The following SPTA1 variants were observed in gnomAD, a reference collection of about 807,000 sequenced individuals.
SPTA1 encodes spectrin alpha, erythrocytic 1, also known as spectrin alpha chain, erythrocytic 1.
A neutral mutation model predicts 324.7 loss-of-function variants in SPTA1; 177 were observed. The observed-to-expected ratio is 0.55, with a 90% confidence interval of 0.48 to 0.62. The LOEUF (loss-of-function observed/expected upper bound fraction) is 0.62, where lower values mean the gene tolerates loss of function less well. Among genes scored for constraint, SPTA1 ranks in the 20% least tolerant of loss-of-function variants. The probability of loss-of-function intolerance (pLI) is 0.00; values close to 1 mark genes in which losing one functional copy is unlikely to be tolerated. For missense variants in SPTA1, 3,162 were observed against 2,883.6 expected (o/e 1.10, Z -2.21); for synonymous variants, 1,195 against 1,041.3 (o/e 1.15, Z -2.84).
intron 5 of SPTA1, among the ~76,000 whole-genome samples, chr1:158,679,207 A>G (rs972102428): frequency 1.3e-5 from 2 of 152,022 alleles, no homozygotes; most frequent in Admixed American, 1.3e-4. Flanking sequence ...GTCTCTCCAG[A>G]CAGAATTTTC....
chr1:158,648,497 G>A lies in SPTA1; in HGVS notation c.3714+12C>T. 6.2e-7 allele frequency: 1 copy of A among 1,613,834 alleles called. No homozygotes were observed. Among genetic ancestry groups the A allele is most frequent in the Middle Eastern group, 1.7e-4 (1 of 6,050 alleles). On this transcript the variant is annotated intron_variant, in intron 26 of 51. Coordinates refer to ENST00000643759, the MANE Select transcript of SPTA1 (RefSeq NM_003126.4). ...GGAAAGTGTTGGAAAAGCTTTGAAG[G>A]ACTTGTCTCACCTTATCTCCCAGGG...
intron 43 of SPTA1, 82 bp downstream of exon 43, chr1:158,622,901 G>T: frequency 1.6e-6 from 2 of 1,236,716 alleles, no homozygotes; most frequent in Non-Finnish European, 2.4e-6. Context: ...TATCCAAACT[G>T]AGTTTCCAAT....
rs757445695 is a variant in SPTA1, at chr1:158,634,545, G to C, written c.5563C>G (p.Gln1855Glu). Residue 1855 changes from glutamine to glutamate, a missense_variant and splice_region_variant, in exon 39 of 52, where the codon CAG becomes GAG. Transcript: ENST00000643759. ...GATTCATTCTTCCTGTTCCTCACCT[G>C]AGTAGCAGCTAATGTATCTCCACAA... is the stretch of plus-strand genomic sequence containing the variant. ...GDCGDTLAAT[Q>E]SLLMKHEALE... The C allele has an allele frequency of 6.2e-7, 1 of 1,613,818 alleles. No homozygotes were observed. Among genetic ancestry groups the C allele is most frequent in the African/African-American group, 1.3e-5 (1 of 74,914 alleles).
intron 29 of SPTA1, among the ~76,000 whole-genome samples, 163 bp downstream of exon 29, chr1:158,645,025 A>T (rs550480859): frequency 6.6e-6 from 1 of 152,188 alleles, no homozygotes; most frequent in African/African-American, 2.4e-5. Flanking sequence ...TATGACAATG[A>T]TCGGTATAGA....
chr1:158,656,557 G>A lies in SPTA1; in HGVS notation c.2898+7C>T, dbSNP rs1652840610. The A allele has an allele frequency of 6.2e-7, 1 of 1,611,512 alleles. No homozygotes were observed. The highest frequency in any genetic ancestry group is 1.3e-5 in the African/African-American group (1 of 74,734). ...TGTGAATCCTGTCATCGCTAAGTTA[G>A]TCTTACCTGGCAGGCGTTTGCCTGA... On this transcript the variant is annotated splice_region_variant and intron_variant, in intron 20 of 51. Transcript: ENST00000643759.
chr1:158,634,385 C>A (rs1427897386), intron 39 of SPTA1, among the ~76,000 whole-genome samples, 158 bp downstream of exon 39: 2 of 152,190 alleles, frequency 1.3e-5, no homozygotes, highest in African/African-American at 4.8e-5. Flanking sequence ...CATGCTTGGA[C>A]TTTAATTTTT....
intron 42 of SPTA1, among the ~76,000 whole-genome samples, chr1:158,625,861 AG>A (rs1557929510): frequency 6.6e-6 from 1 of 151,826 alleles, no homozygotes; most frequent in East Asian, 1.9e-4. Context: ...AAGTAAAAAA[AG>A]ATAATAATAT....
intron 14 of SPTA1, 118 bp from the exon 15 acceptor site, chr1:158,668,180 A>G (rs2101905498): frequency 1.7e-6 from 2 of 1,145,620 alleles, no homozygotes; most frequent in South Asian, 2.7e-5. Flanking sequence ...ACAAGAAGAT[A>G]AAAGGGGGAA....
intron 23 of SPTA1, among the ~76,000 whole-genome samples, chr1:158,651,687 G>T (rs1652447771): frequency 6.6e-6 from 1 of 152,084 alleles, no homozygotes; most frequent in Admixed American, 6.5e-5. Flanking sequence ...TTATTTATCT[G>T]TAGTATGAAG....
chr1:158,655,545 T>C (rs1371388940), intron 20 of SPTA1, among the ~76,000 whole-genome samples: 9 of 150,768 alleles, frequency 6.0e-5, no homozygotes, highest in Non-Finnish European at 1.5e-5. Flanking sequence ...AATCCTTCTG[T>C]TCTTGTTTAG....
chr1:158,639,895 C>T lies in SPTA1; in HGVS notation c.4850G>A (p.Arg1617Gln), dbSNP rs564887323. 136 of 1,613,896 alleles carry T rather than the reference C, an allele frequency of 8.4e-5. No homozygotes were observed. The highest frequency in any genetic ancestry group is 4.0e-4 in the African/African-American group (30 of 74,992). Residue 1617 changes from arginine (R) to glutamine (Q), a missense_variant, in exon 34 of 52, where the codon CGG becomes CAG. By Grantham distance (43) the Arg-to-Gln change is conservative. Coordinates refer to ENST00000643759, the MANE Select transcript of SPTA1 (RefSeq NM_003126.4). ...CTCTGAGAGCCAGAACTCAAAGTCC[C>T]GGATGCTTGTGTTGAACCTCTGTTG... ...SRQQRFNTSI[R>Q]DFEFWLSEAE... is the part of the protein sequence containing the mutation.
At chr1:158,626,800 T>G in intron 41 of SPTA1, 39 bp downstream of exon 41, 1 of 1,612,680 alleles carries the variant, frequency 6.2e-7, no homozygotes, top group Non-Finnish European at 8.5e-7. Context: ...TTATTAGGGT[T>G]TCTCAAACCC....
intron 17 of SPTA1, among the ~76,000 whole-genome samples, chr1:158,662,222 T>G (rs936545240): frequency 2.0e-5 from 3 of 152,202 alleles, no homozygotes; most frequent in South Asian, 4.1e-4. Flanking sequence ...GTGTACACCT[T>G]TTTCTCTGCC....
intron 50 of SPTA1, 123 bp downstream of exon 50, chr1:158,613,598 G>GTT: frequency 7.2e-7 from 1 of 1,389,290 alleles, no homozygotes; most frequent in Non-Finnish European, 1.0e-6. Context: ...TTCATTTATG[G>GTT]TTGCCTATTT....
chr1:158,650,006 C>A, intron 24 of SPTA1, 59 bp from the exon 25 acceptor site: 2 of 1,129,440 alleles, frequency 1.8e-6, no homozygotes, highest in South Asian at 1.3e-5. Flanking sequence ...GGCTCAGTGG[C>A]GTCTGAAGAC....
chr1:158,630,905 T>G (rs1650630376), intron 39 of SPTA1, among the ~76,000 whole-genome samples: 1 of 152,000 alleles, frequency 6.6e-6, no homozygotes, highest in Non-Finnish European at 1.5e-5. Context: ...ATCAGGGACG[T>G]GCAAATTAAA....
chr1:158,672,342 G>T, intron 10 of SPTA1, 146 bp from the exon 11 acceptor site: 2 of 779,804 alleles, frequency 2.6e-6, no homozygotes, highest in South Asian at 1.7e-5. Flanking sequence ...TTAAGCAAAT[G>T]ATTGTACTAT....
At chr1:158,678,316 A>G in intron 6 of SPTA1, 85 bp downstream of exon 6, 1 of 1,576,182 alleles carries the variant, frequency 6.3e-7, no homozygotes, top group Non-Finnish European at 8.7e-7. Flanking sequence ...TTAATTGCTA[A>G]CAGAAGTAGA....
Position 158,671,409 on chromosome 1 carries a change from T to C in SPTA1, c.1533A>G (p.Ala511=), listed in dbSNP as rs34446973. 1.2e-3 allele frequency: 1,951 copies of C among 1,613,324 alleles called. 23 individuals are homozygous for C. The African/African-American group carries it at 0.023, about 19-fold the overall frequency. ...CTTCATGCTTCTGAAGAAGGGCTTC[T>C]GCACTGCCCAGTGAGTTTCCCAGAT... The part of the protein sequence containing the change: ...NEDLGNSLGS[A]EALLQKHEDF... The change falls in exon 12 of 52, where the codon GCA becomes GCG. Residue 511 remains alanine, a synonymous_variant. Transcript: ENST00000643759.
Sources: allele counts gnomAD v4.1 joint callset (sites outside exome capture counted in the v4.1 genomes callset), GRCh38; gene constraint gnomAD v4.1.1; transcripts MANE v1.5; gene names NCBI Gene and HGNC (gene_info 2026-07-23, HGNC 2026-07-21).